JMJD1C: variants seen among roughly 807,000 people sequenced by gnomAD.
JMJD1C encodes jumonji domain-containing protein 1C.
A neutral mutation model predicts 245.3 loss-of-function variants in JMJD1C; 31 were observed. The observed-to-expected ratio is 0.13, with a 90% CI of 0.09 to 0.17. The LOEUF (loss-of-function observed/expected upper bound fraction) is 0.17, where lower values mean the gene tolerates loss of function less well. Ranked by LOEUF, JMJD1C falls within the 10% of genes least tolerant of loss-of-function variation. The pLI, the probability that JMJD1C is intolerant of heterozygous loss-of-function variation, is 1.00. For synonymous variants in JMJD1C, 1,057 were observed against 1,017.4 expected (o/e 1.04, Z -0.74); for missense variants, 2,691 against 3,000.2 (o/e 0.90, Z 2.41).
chr10:63,446,619 C>G (rs755241243), intron 1 of JMJD1C, among the ~76,000 whole-genome samples: 9 of 151,994 alleles, frequency 5.9e-5, no homozygotes, highest in Non-Finnish European at 8.8e-5. Flanking sequence ...AAGACAGATA[C>G]GAGAAAAACC....
intron 2 of JMJD1C, among the ~76,000 whole-genome samples, chr10:63,309,577 A>G (rs1189175528): frequency 6.6e-6 from 1 of 151,992 alleles, no homozygotes; most frequent in African/African-American, 2.4e-5. Context: ...TAACTGTATA[A>G]CAGACCTACA....
At chr10:63,474,095 A>C (rs544668736) in intron 1 of JMJD1C, among the ~76,000 whole-genome samples, 1 of 148,754 alleles carries the variant, frequency 6.7e-6, no homozygotes, top group Non-Finnish European at 1.5e-5. Context: ...ACACTAAAAA[A>C]AATAATAATA....
At position 63,211,926 on chromosome 10, in the gene JMJD1C, T is replaced by C. The variant is rs570293796; in HGVS notation, c.2694+1547A>G. 2.0e-5 allele frequency among the ~76,000 whole-genome samples: 3 copies of C among 150,262 alleles called. No homozygotes were observed. In the South Asian group the frequency reaches 6.3e-4, roughly 31 times the overall value. On this transcript the variant is annotated intron_variant, in intron 8 of 25. Transcript: ENST00000399262. Reference sequence around the variant, plus strand: ...AGCCAAGAGGTGAAAGCAACCCAAATGTCCACTGACAGATGAATGGAGAAA... The same window carrying C: ...AGCCAAGAGGTGAAAGCAACCCAAACGTCCACTGACAGATGAATGGAGAAA...
intron 3 of JMJD1C, among the ~76,000 whole-genome samples, chr10:63,221,706 CAG>C (rs1049905311): frequency 6.6e-6 from 1 of 152,142 alleles, no homozygotes; most frequent in African/African-American, 2.4e-5. Flanking sequence ...CGATAACAAA[CAG>C]AACATAGGAA....
intron 1 of JMJD1C, among the ~76,000 whole-genome samples, chr10:63,511,015 T>A (rs1818774373): frequency 6.6e-6 from 1 of 152,256 alleles, no homozygotes; most frequent in Non-Finnish European, 1.5e-5. Flanking sequence ...TTGGTTAATG[T>A]TAGCATGATA....
At chr10:63,176,506 T>G (rs780672278) in intron 23 of JMJD1C, 33 bp from the exon 24 acceptor site, 6 of 1,500,370 alleles carry the variant, frequency 4.0e-6, no homozygotes, top group Non-Finnish European at 5.5e-6. Context: ...CACTCCAATT[T>G]AAGTAAGGAA....
At chr10:63,226,452 C>T (rs146547865) in intron 3 of JMJD1C, among the ~76,000 whole-genome samples, 4,269 of 152,012 alleles carry the variant, frequency 0.028, 87 homozygotes, top group Non-Finnish European at 0.045. Flanking sequence ...GTGGCTCACA[C>T]CTATAATCCC....
At chr10:63,481,201 T>C (rs1339177102) in intron 1 of JMJD1C, among the ~76,000 whole-genome samples, 1 of 152,228 alleles carries the variant, frequency 6.6e-6, no homozygotes, top group Non-Finnish European at 1.5e-5. Context: ...GTTCTCTTCT[T>C]TAGCTGATAA....
chr10:63,372,767 G>T (rs1340278609), intron 2 of JMJD1C, among the ~76,000 whole-genome samples: 1 of 152,102 alleles, frequency 6.6e-6, no homozygotes, highest in African/African-American at 2.4e-5. Flanking sequence ...ATCTATTAAG[G>T]GAAGACAGAC....
chr10:63,263,229 A>C (rs1855022241), intron 3 of JMJD1C, among the ~76,000 whole-genome samples: 1 of 152,206 alleles, frequency 6.6e-6, no homozygotes, highest in African/African-American at 2.4e-5. Context: ...CTAACAATAC[A>C]AAAAAACTAG....
chr10:63,205,743 G>A (rs953377585), intron 10 of JMJD1C, among the ~76,000 whole-genome samples: 1 of 152,100 alleles, frequency 6.6e-6, no homozygotes, highest in Non-Finnish European at 1.5e-5. Flanking sequence ...AAGTATTTAC[G>A]TATCTGAACA....
intron 10 of JMJD1C, chr10:63,204,526 G>C (rs1422837386): frequency 1.0e-6 from 1 of 985,246 alleles, no homozygotes; most frequent in Non-Finnish European, 1.2e-6. Flanking sequence ...TCAAGTATCT[G>C]AACACCCAAC....
In JMJD1C at chr10:63,191,049, C is replaced by G. The variant is rs376454657; in HGVS notation, c.6136G>C (p.Glu2046Gln). The G allele has an allele frequency of 1.4e-5, 22 of 1,614,034 alleles. No homozygotes were observed. In the African/African-American group the frequency reaches 2.5e-4, roughly 19 times the overall value. Residue 2046 changes from glutamate to glutamine, a missense_variant, in exon 17 of 26, where the codon GAA becomes CAA. Glu to Gln is a conservative substitution (Grantham distance 29). Transcript: ENST00000399262. ...GGTGATGTTCTGCCATTTGGAGATTCAGAGTTGTCTTGTTCTCTTTCTTCT... is the reference window on the plus strand; with the variant it reads ...GGTGATGTTCTGCCATTTGGAGATTGAGAGTTGTCTTGTTCTCTTTCTTCT... ...IKEEREQDNS[E>Q]SPNGRTSPLV...
intron 1 of JMJD1C, among the ~76,000 whole-genome samples, chr10:63,386,051 G>A (rs959372396): frequency 1.3e-5 from 2 of 151,932 alleles, no homozygotes; most frequent in African/African-American, 4.8e-5. Context: ...CTCTTTGGAT[G>A]CAGGCTAACC....
intron 1 of JMJD1C, among the ~76,000 whole-genome samples, chr10:63,489,058 T>C (rs1427614048): frequency 6.6e-6 from 1 of 152,168 alleles, no homozygotes; most frequent in Non-Finnish European, 1.5e-5. Context: ...CATATGTTTG[T>C]GGTGGTGCTG....
intron 1 of JMJD1C, among the ~76,000 whole-genome samples, chr10:63,443,967 C>T (rs1400713714): frequency 1.3e-5 from 2 of 152,122 alleles, no homozygotes; most frequent in African/African-American, 2.4e-5. Flanking sequence ...ATGAATCAAC[C>T]GCTGAATATT....
At position 63,215,159 on chromosome 10, in the gene JMJD1C, A is replaced by T; in HGVS notation, c.1016-8T>A. 1 of 1,525,008 alleles carries T rather than the reference A, an allele frequency of 6.6e-7. No individual in the cohort carries two copies. The highest frequency in any genetic ancestry group is 8.9e-7 in the Non-Finnish European group (1 of 1,129,906). The allele number at this position is 1,525,008 out of a possible 1,614,324, so 94.5% of individuals were successfully genotyped here. On this transcript the variant is annotated splice_region_variant and splice_polypyrimidine_tract_variant and intron_variant, in intron 7 of 25. Coordinates refer to ENST00000399262, the MANE Select transcript of JMJD1C (RefSeq NM_032776.3). The stretch of plus-strand genomic sequence containing the variant: ...TTTTACCTTTAGGATTTTCTGTAGG[A>T]TTAAAGAAAGAAGAGTCTTATTTTT...
At chr10:63,253,652 C>T (rs1386768583) in intron 3 of JMJD1C, among the ~76,000 whole-genome samples, 1 of 152,070 alleles carries the variant, frequency 6.6e-6, no homozygotes, top group Non-Finnish European at 1.5e-5. Context: ...TCCCCAAGTG[C>T]TGGGATTACA....
At chr10:63,474,254 A>G (rs1953587839) in intron 1 of JMJD1C, among the ~76,000 whole-genome samples, 3 of 152,158 alleles carry the variant, frequency 2.0e-5, no homozygotes, top group South Asian at 4.1e-4. Flanking sequence ...AGAAATATGG[A>G]AAAAGTATGT....
Sources: gnomAD v4.1 joint callset for allele counts (sites outside exome capture counted in the v4.1 genomes callset) on GRCh38, gnomAD v4.1.1 for gene constraint, MANE v1.5 for transcripts, NCBI Gene and HGNC (gene_info 2026-07-23, HGNC 2026-07-21) for gene names.